RASA2: variants seen among roughly 807,000 people sequenced by gnomAD.
The protein encoded by RASA2 is RAS p21 protein activator 2.
RASA2 carries 155 observed loss-of-function variants against 118.2 expected under a neutral mutation model. The ratio of observed to expected loss-of-function variants is 1.31; its 90% CI spans 1.15 to 1.50. RASA2 has a LOEUF of 1.50. RASA2 is among the 40% of genes most tolerant of loss of function. The pLI is 0.00. For missense variants in RASA2, 1,016 were observed against 1,009.6 expected (o/e 1.01, Z -0.09); for synonymous variants, 353 against 349.1 (o/e 1.01, Z -0.12).
At chr3:141,566,731 T>G (rs1287486376) in intron 9 of RASA2, among the ~76,000 whole-genome samples, 3 of 151,974 alleles carry the variant, frequency 2.0e-5, no homozygotes, top group Non-Finnish European at 4.4e-5. Context: ...AAAAAATCAG[T>G]GTATGTATTT....
intron 17 of RASA2, among the ~76,000 whole-genome samples, chr3:141,583,616 T>C (rs779865154): frequency 6.6e-6 from 1 of 152,116 alleles, no homozygotes; most frequent in African/African-American, 2.4e-5. Context: ...TACCCACATA[T>C]AATGCAAAAG....
intron 1 of RASA2, among the ~76,000 whole-genome samples, chr3:141,498,606 A>G (rs965002284): frequency 2.6e-5 from 4 of 152,032 alleles, no homozygotes; most frequent in Admixed American, 1.3e-4. Flanking sequence ...ACACACCTTT[A>G]TATGCTCATG....
chr3:141,536,394 G>C (rs995595073), intron 4 of RASA2, among the ~76,000 whole-genome samples: 8 of 152,252 alleles, frequency 5.3e-5, no homozygotes, highest in Non-Finnish European at 7.4e-5. Flanking sequence ...CAACACATGG[G>C]AATTCTGGGA....
At chr3:141,510,137 A>G (rs182454634) in intron 1 of RASA2, among the ~76,000 whole-genome samples, 4 of 152,326 alleles carry the variant, frequency 2.6e-5, no homozygotes, top group Admixed American at 2.6e-4. Context: ...AAAGTTGATA[A>G]GCAGAAAGAT....
At chr3:141,600,847 C>CTA (rs1448995463) in intron 19 of RASA2, among the ~76,000 whole-genome samples, 3 of 152,106 alleles carry the variant, frequency 2.0e-5, no homozygotes, top group African/African-American at 7.2e-5. Flanking sequence ...AGGTCTTAAC[C>CTA]ATAGCCAAAG....
chr3:141,574,258 T>C (rs1304394530), intron 14 of RASA2, among the ~76,000 whole-genome samples, 191 bp downstream of exon 14: 1 of 152,008 alleles, frequency 6.6e-6, no homozygotes, highest in Non-Finnish European at 1.5e-5. Context: ...GGCGCTATCT[T>C]GGCTCACTGC....
intron 1 of RASA2, among the ~76,000 whole-genome samples, chr3:141,509,260 A>G (rs1180643071): frequency 6.6e-6 from 1 of 152,202 alleles, no homozygotes. Context: ...TGCTTGGTAC[A>G]TTTTTTCATA....
intron 9 of RASA2, among the ~76,000 whole-genome samples, chr3:141,568,593 C>T (rs1459130175): frequency 1.3e-5 from 2 of 151,836 alleles, no homozygotes; most frequent in Non-Finnish European, 2.9e-5. Context: ...GCATCGTTAT[C>T]TATTTGTCTA....
intron 1 of RASA2, among the ~76,000 whole-genome samples, chr3:141,503,282 C>T (rs1489103528): frequency 1.3e-5 from 2 of 152,148 alleles, no homozygotes; most frequent in South Asian, 2.1e-4. Context: ...TACATACTCA[C>T]ATATGTACAT....
At position 141,577,014 on chromosome 3, in the gene RASA2, C is replaced by T. The variant is rs2107764268; in HGVS notation, c.1498C>T (p.Gln500Ter). The change falls in exon 15 of 24, where the codon CAG becomes TAG. Residue 500 changes from glutamine to a stop codon, truncating the protein, a stop_gained. Coordinates refer to ENST00000286364, the MANE Select transcript of RASA2 (RefSeq NM_006506.5). LOFTEE classifies it high-confidence loss of function. ...TQRFPNDPHV[Q>*]YSAVSSFVFL... Reference sequence around the variant, plus strand: ...TTTTCCTGCAGATGACCCTCATGTTCAGTATTCTGCAGTGAGCAGCTTTGT... The same window carrying T: ...TTTTCCTGCAGATGACCCTCATGTTTAGTATTCTGCAGTGAGCAGCTTTGT... The T allele has an allele frequency of 1.2e-6, 2 of 1,601,456 alleles. No homozygotes were observed. The highest frequency in any genetic ancestry group is 1.7e-6 in the Non-Finnish European group (2 of 1,173,712).
Position 141,539,911 on chromosome 3 carries a change from G to A in RASA2, c.451-622G>A, listed in dbSNP as rs909950820. ...GTCCCATCTTTCCATCAAGACTCTT[G>A]GCCATATGTTATCTTTTGTTTATTG... On this transcript the variant is annotated intron_variant, in intron 4 of 23. Transcript: ENST00000286364. Among the ~76,000 whole-genome samples, 39 of 152,126 alleles carry A rather than the reference G, an allele frequency of 2.6e-4. No individual in the cohort carries two copies. In the Middle Eastern group the frequency reaches 0.01, roughly 40 times the overall value.
chr3:141,566,538 C>T (rs986564575), intron 9 of RASA2, among the ~76,000 whole-genome samples: 3 of 152,048 alleles, frequency 2.0e-5, no homozygotes, highest in African/African-American at 4.8e-5. Context: ...TATTTGGATT[C>T]GAACAAACTG....
At chr3:141,507,253 T>G (rs1179825464) in intron 1 of RASA2, among the ~76,000 whole-genome samples, 1 of 152,180 alleles carries the variant, frequency 6.6e-6, no homozygotes, top group Non-Finnish European at 1.5e-5. Context: ...GACCAGTAAC[T>G]CAAAGTGGGA....
chr3:141,570,461 C>T (rs748280544), intron 9 of RASA2, among the ~76,000 whole-genome samples: 6 of 152,288 alleles, frequency 3.9e-5, no homozygotes, highest in Admixed American at 1.3e-4. Context: ...CTCAAGTGAT[C>T]TGCCTGCGTC....
intron 4 of RASA2, 152 bp from the exon 5 acceptor site, chr3:141,540,381 T>A: frequency 2.1e-6 from 1 of 474,268 alleles, no homozygotes; most frequent in East Asian, 3.3e-5. Flanking sequence ...TCTCTGGTTT[T>A]GGTTATTATT....
intron 4 of RASA2, among the ~76,000 whole-genome samples, chr3:141,530,033 ATTTC>A (rs1293701846): frequency 2.0e-5 from 3 of 149,898 alleles, no homozygotes; most frequent in African/African-American, 7.4e-5. Flanking sequence ...AGATTAGGGC[ATTTC>A]TTTCTTACCT....
chr3:141,546,196 T>C (rs1325421304), intron 5 of RASA2, among the ~76,000 whole-genome samples: 1 of 152,218 alleles, frequency 6.6e-6, no homozygotes, highest in Non-Finnish European at 1.5e-5. Context: ...AATATACTGA[T>C]TCCCTTTCTT....
intron 19 of RASA2, among the ~76,000 whole-genome samples, chr3:141,590,582 G>C (rs1016156780): frequency 5.3e-5 from 8 of 152,186 alleles, no homozygotes; most frequent in Non-Finnish European, 1.0e-4. Flanking sequence ...TGGTTGTTGA[G>C]CAAATGTTTT....
chr3:141,575,090 T>G (rs1243657114), intron 14 of RASA2, among the ~76,000 whole-genome samples: 1 of 152,182 alleles, frequency 6.6e-6, no homozygotes, highest in African/African-American at 2.4e-5. Context: ...CTGTCTATAA[T>G]GGGAGGTGGT....
Sources: allele counts gnomAD v4.1 joint callset (sites outside exome capture counted in the v4.1 genomes callset), GRCh38; gene constraint gnomAD v4.1.1; transcripts MANE v1.5; gene names NCBI Gene and HGNC (gene_info 2026-07-23, HGNC 2026-07-21).